Variants in NOL4 observed in about 807,000 individuals in gnomAD.
NOL4 encodes cancer/testis antigen 125.
NOL4 carries 17 observed loss-of-function variants against 75.9 expected under a neutral mutation model. That is an observed-to-expected ratio of 0.22 (90% CI 0.15 to 0.34). The LOEUF (loss-of-function observed/expected upper bound fraction) is 0.34, where lower values mean the gene tolerates loss of function less well. NOL4 is among the 10% of genes least tolerant of loss of function. NOL4 has a pLI of 1.00. For missense variants in NOL4, 614 were observed against 793.5 expected, an observed-to-expected ratio of 0.77 and a Z score of 2.72; for synonymous variants, 292 against 289.9, an observed-to-expected ratio of 1.01 and a Z score of -0.07.
At chr18:34,207,272 C>T (rs1207758750) in intron 1 of NOL4, among the ~76,000 whole-genome samples, 1 of 151,932 alleles carries the variant, frequency 6.6e-6, no homozygotes, top group African/African-American at 2.4e-5. Flanking sequence ...TCAGATGTAA[C>T]CTGAACATTT....
chr18:34,090,454 G>C (rs1001872425), intron 5 of NOL4, among the ~76,000 whole-genome samples: 2 of 152,162 alleles, frequency 1.3e-5, no homozygotes, highest in Non-Finnish European at 2.9e-5. Context: ...ATAGTCCTGA[G>C]CTCAGGAAAG....
At chr18:34,058,350 G>A (rs2076918639) in intron 5 of NOL4, among the ~76,000 whole-genome samples, 2 of 152,138 alleles carry the variant, frequency 1.3e-5, no homozygotes, top group South Asian at 4.1e-4. Flanking sequence ...TAGCTAGGAT[G>A]GTCTCGATCT....
Position 33,958,362 on chromosome 18 carries a change from T to A in NOL4, c.1113A>T (p.Arg371=). The change falls in exon 7 of 11, where the codon CGA becomes CGT. Residue 371 remains arginine, a synonymous_variant. Coordinates refer to ENST00000261592, the MANE Select transcript of NOL4 (RefSeq NM_003787.5). ...YDSGKNESVD[R]GAEDLSLNRG... is the part of the protein sequence containing the mutation. ...TGTTTAGTGAGAGGTCCTCAGCTCCTCGGTCTACACTCTCATTTTTGCCAG... is the reference window on the plus strand; with the variant it reads ...TGTTTAGTGAGAGGTCCTCAGCTCCACGGTCTACACTCTCATTTTTGCCAG... 1 of 1,572,240 alleles carries A rather than the reference T, an allele frequency of 6.4e-7. No homozygotes were observed. Among genetic ancestry groups the A allele is most frequent in the Non-Finnish European group, 8.6e-7 (1 of 1,157,178 alleles).
At chr18:34,125,809 A>C (rs534704330) in intron 2 of NOL4, among the ~76,000 whole-genome samples, 1 of 152,272 alleles carries the variant, frequency 6.6e-6, no homozygotes, top group Non-Finnish European at 1.5e-5. Flanking sequence ...TTAGTTTAAC[A>C]GATTTAATCT....
intron 10 of NOL4, among the ~76,000 whole-genome samples, chr18:33,882,391 T>C (rs1487280365): frequency 2.0e-5 from 3 of 151,634 alleles, no homozygotes; most frequent in African/African-American, 7.3e-5. Flanking sequence ...AAAAAGTGGG[T>C]GAAGGACATG....
At chr18:33,923,083 A>G (rs750508432) in intron 9 of NOL4, among the ~76,000 whole-genome samples, 8 of 152,184 alleles carry the variant, frequency 5.3e-5, no homozygotes, top group Non-Finnish European at 8.8e-5. Context: ...CAACTGAATG[A>G]CAAAATACAA....
intron 9 of NOL4, among the ~76,000 whole-genome samples, chr18:33,915,813 G>A (rs560540590): frequency 4.6e-5 from 7 of 152,188 alleles, no homozygotes; most frequent in African/African-American, 1.7e-4. Context: ...AAAGTAGTAA[G>A]GTCTCTCTCC....
At chr18:33,933,497 C>A (rs1391906050) in intron 9 of NOL4, among the ~76,000 whole-genome samples, 1 of 152,120 alleles carries the variant, frequency 6.6e-6, no homozygotes, top group Non-Finnish European at 1.5e-5. Context: ...CATAGTAGAG[C>A]TTCTTTCAAA....
chr18:33,956,034 G>A (rs1212917789), intron 8 of NOL4, among the ~76,000 whole-genome samples: 7 of 152,068 alleles, frequency 4.6e-5, no homozygotes, highest in Non-Finnish European at 1.0e-4. Flanking sequence ...GTCTCATAAT[G>A]CAAATTCAGG....
chr18:34,058,324 C>T lies in NOL4; in HGVS notation c.772+35141G>A, dbSNP rs532325826. ...AATTTTTTGTTATTTTTAGTAGAGACGGGGTTTCACCATGTTAGCTAGGAT... is the reference window on the plus strand; with the variant it reads ...AATTTTTTGTTATTTTTAGTAGAGATGGGGTTTCACCATGTTAGCTAGGAT... On this transcript the variant is annotated intron_variant, in intron 5 of 10. Coordinates refer to ENST00000261592, the MANE Select transcript of NOL4 (RefSeq NM_003787.5). Among the ~76,000 whole-genome samples the T allele has an allele frequency of 2.0e-4, 30 of 152,178 alleles. 1 individual carries two copies. The highest frequency in any genetic ancestry group is 9.2e-4 in the Admixed American group (14 of 15,270).
intron 1 of NOL4, among the ~76,000 whole-genome samples, chr18:34,135,479 C>T (rs1439372317): frequency 2.0e-5 from 3 of 151,762 alleles, no homozygotes; most frequent in East Asian, 1.9e-4. Context: ...GGGTGGATCA[C>T]GAGGTCAGAA....
At chr18:34,002,432 T>C (rs140576796) in intron 6 of NOL4, among the ~76,000 whole-genome samples, 1 of 152,174 alleles carries the variant, frequency 6.6e-6, no homozygotes, top group East Asian at 1.9e-4. Flanking sequence ...AGTTTCCTAA[T>C]GAGATATTAT....
At chr18:34,154,752 A>C (rs79786219) in intron 1 of NOL4, among the ~76,000 whole-genome samples, 5,204 of 152,006 alleles carry the variant, frequency 0.034, 93 homozygotes, top group Middle Eastern at 0.048. Context: ...GGGTGTGTTA[A>C]CTAAATGTCT....
At chr18:34,139,038 T>C (rs2081022663) in intron 1 of NOL4, among the ~76,000 whole-genome samples, 1 of 152,220 alleles carries the variant, frequency 6.6e-6, no homozygotes, top group African/African-American at 2.4e-5. Context: ...CACTTGATTA[T>C]GGTGGATAAG....
chr18:34,133,558 T>A lies in NOL4; in HGVS notation c.265-3538A>T, dbSNP rs927748443. Among the ~76,000 whole-genome samples the A allele has an allele frequency of 2.0e-5, 3 of 152,170 alleles. No homozygotes were observed. The East Asian group carries it at 5.8e-4, about 29-fold the overall frequency. On this transcript the variant is annotated intron_variant, in intron 1 of 10. Coordinates refer to ENST00000261592, the MANE Select transcript of NOL4 (RefSeq NM_003787.5). The stretch of plus-strand genomic sequence containing the variant: ...TTGAATGACTTCAAAGGCAACTGGA[T>A]AAAACAATAGGTAATTGATTTATTG...
chr18:34,164,776 A>C (rs1401257526), intron 1 of NOL4, among the ~76,000 whole-genome samples: 2 of 151,790 alleles, frequency 1.3e-5, no homozygotes, highest in Non-Finnish European at 2.9e-5. Context: ...ATGCTGCTAT[A>C]AAGACACATG....
At chr18:33,885,494 TA>T (rs2064583734) in intron 9 of NOL4, among the ~76,000 whole-genome samples, 1 of 151,866 alleles carries the variant, frequency 6.6e-6, no homozygotes, top group Non-Finnish European at 1.5e-5. Context: ...ATAATCTAAT[TA>T]AAAAATGAGC....
intron 1 of NOL4, among the ~76,000 whole-genome samples, chr18:34,164,020 G>T (rs2031945787): frequency 6.6e-6 from 1 of 152,132 alleles, no homozygotes; most frequent in East Asian, 1.9e-4. Flanking sequence ...AATGGTGCTG[G>T]GAAAACTGGC....
At position 34,111,518 on chromosome 18, in the gene NOL4, C is replaced by T. The variant is rs55817943; in HGVS notation, c.415-6358G>A. On this transcript the variant is annotated intron_variant, in intron 2 of 10. Transcript: ENST00000261592. ...CCACCAAGAAAGAAAGCATCATCTA[C>T]GTGGAATGATTCCTTGTCAGACACT... Among the ~76,000 whole-genome samples the T allele has an allele frequency of 7.8e-3, 1,192 of 152,088 alleles. 13 individuals are homozygous for T. The highest frequency in any genetic ancestry group is 0.026 in the African/African-American group (1,082 of 41,482).
Sources: gnomAD v4.1 joint callset for allele counts (sites outside exome capture counted in the v4.1 genomes callset) on GRCh38, gnomAD v4.1.1 for gene constraint, MANE v1.5 for transcripts, NCBI Gene and HGNC (gene_info 2026-07-23, HGNC 2026-07-21) for gene names.